ITSN1: variants seen among roughly 807,000 people sequenced by gnomAD.
ITSN1 encodes intersectin 1, also known as intersectin-1.
In ITSN1, 58 loss-of-function variants were observed where a neutral mutation model predicts 239.8. The ratio of observed to expected loss-of-function variants is 0.24; its 90% CI spans 0.20 to 0.30. ITSN1 has a LOEUF of 0.30. Among genes scored for constraint, ITSN1 ranks in the 10% least tolerant of loss-of-function variants. The pLI, the probability that ITSN1 is intolerant of heterozygous loss-of-function variation, is 1.00. For synonymous variants in ITSN1, 780 were observed against 770.8 expected, an observed-to-expected ratio of 1.01 and a Z score of -0.20; for missense variants, 1,558 against 2,103.3, an observed-to-expected ratio of 0.74 and a Z score of 5.07.
intron 1 of ITSN1, among the ~76,000 whole-genome samples, chr21:33,662,482 G>A (rs1224066473): frequency 6.6e-6 from 1 of 152,062 alleles, no homozygotes; most frequent in Non-Finnish European, 1.5e-5. Context: ...ATAGGTGATG[G>A]GGTATTGCCT....
At position 33,882,488 on chromosome 21, in the gene ITSN1, G is replaced by T. The variant is rs762387078; in HGVS notation, c.4554+33G>T. The T allele has an allele frequency of 6.3e-7, 1 of 1,585,302 alleles. No individual in the cohort carries two copies. The highest frequency in any genetic ancestry group is 8.6e-7 in the Non-Finnish European group (1 of 1,156,482). On this transcript the variant is annotated intron_variant, in intron 35 of 39. Transcript: ENST00000381318. The surrounding 1 kb of genome is among the most constrained non-coding windows in gnomAD (Gnocchi z 4.5). Reference sequence around the variant, plus strand: ...GGATTCTAGATTTTGCATTATCAGGGTTGACGTGTTTGGGGAGGAAGAAGT... The same window carrying T: ...GGATTCTAGATTTTGCATTATCAGGTTTGACGTGTTTGGGGAGGAAGAAGT...
At chr21:33,725,049 C>T (rs184583570) in intron 4 of ITSN1, among the ~76,000 whole-genome samples, 37 of 148,988 alleles carry the variant, frequency 2.5e-4, no homozygotes, top group Admixed American at 5.4e-4. Flanking sequence ...GTGGGAGCAT[C>T]GCTTGCGCCC....
chr21:33,792,415 A>G (rs1306410389), intron 16 of ITSN1, among the ~76,000 whole-genome samples: 2 of 152,140 alleles, frequency 1.3e-5, no homozygotes, highest in African/African-American at 4.8e-5. Context: ...CGTGTTAGCC[A>G]TGGTGGCGTA....
intron 29 of ITSN1, among the ~76,000 whole-genome samples, chr21:33,844,127 G>A (rs947721546): frequency 3.3e-5 from 5 of 152,194 alleles, no homozygotes; most frequent in East Asian, 1.9e-4. Context: ...CTACCAATCC[G>A]TGCACGAACC....
intron 29 of ITSN1, among the ~76,000 whole-genome samples, chr21:33,850,983 A>G (rs2148460510): frequency 6.6e-6 from 1 of 152,286 alleles, no homozygotes; most frequent in Non-Finnish European, 1.5e-5. Context: ...GGGGCCATTG[A>G]GCCAGAGGAT....
intron 24 of ITSN1, among the ~76,000 whole-genome samples, chr21:33,821,524 G>A (rs1228374173): frequency 6.6e-6 from 1 of 152,208 alleles, no homozygotes; most frequent in Non-Finnish European, 1.5e-5. Flanking sequence ...GGGATGGCCA[G>A]TGCCCTCTGT....
At chr21:33,835,385 A>C (rs915832891) in intron 28 of ITSN1, among the ~76,000 whole-genome samples, 2 of 152,118 alleles carry the variant, frequency 1.3e-5, no homozygotes, top group African/African-American at 2.4e-5. Context: ...TAGTTGCTGA[A>C]GTGATTGAAT....
chr21:33,868,694 C>T (rs972625742), intron 33 of ITSN1, among the ~76,000 whole-genome samples: 2 of 152,256 alleles, frequency 1.3e-5, no homozygotes, highest in Non-Finnish European at 2.9e-5. Context: ...CTGCTCGCGC[C>T]TCTCCCTCCA....
At chr21:33,709,934 T>C (rs1025268240) in intron 1 of ITSN1, among the ~76,000 whole-genome samples, 1 of 152,152 alleles carries the variant, frequency 6.6e-6, no homozygotes, top group African/African-American at 2.4e-5. Context: ...TAAAAGCAGA[T>C]ATCCTTGTCT....
chr21:33,767,778 A>G lies in ITSN1; in HGVS notation c.992A>G (p.Glu331Gly), dbSNP rs2068831463. ...ACATCTGTAGATCAGAGGCTACCAG[A>G]GGAACCAGTTTTAGAAGATGAACAA... is the stretch of plus-strand genomic sequence containing the variant. ...SSTSVDQRLP[E>G]EPVLEDEQQQ... Residue 331 changes from glutamate to glycine, a missense_variant, in exon 11 of 40, where the codon GAG (glutamate) becomes GGG (glycine). Glu to Gly is a moderately conservative substitution (Grantham distance 98). Transcript: ENST00000381318. 1.9e-6 allele frequency: 3 copies of G among 1,612,934 alleles called. No individual in the cohort carries two copies. The highest frequency in any genetic ancestry group is 4.5e-5 in the East Asian group (2 of 44,850).
At chr21:33,762,885 A>T (rs1216916958) in intron 9 of ITSN1, among the ~76,000 whole-genome samples, 2 of 152,040 alleles carry the variant, frequency 1.3e-5, no homozygotes, top group Non-Finnish European at 2.9e-5. Context: ...GCTGGTCTCG[A>T]GCTCCTGACC....
At chr21:33,724,641 T>C (rs761427045) in intron 4 of ITSN1, among the ~76,000 whole-genome samples, 7 of 152,168 alleles carry the variant, frequency 4.6e-5, no homozygotes, top group Non-Finnish European at 8.8e-5. Context: ...ATCAGATATC[T>C]CCTGTGGGCC....
At chr21:33,670,325 A>G (rs185214764) in intron 1 of ITSN1, among the ~76,000 whole-genome samples, 8 of 152,322 alleles carry the variant, frequency 5.3e-5, no homozygotes, top group Non-Finnish European at 1.0e-4. Context: ...ATGACACTCT[A>G]GCCTGGATTA....
chr21:33,823,953 C>T (rs1013336986), intron 25 of ITSN1, among the ~76,000 whole-genome samples: 5 of 152,146 alleles, frequency 3.3e-5, no homozygotes, highest in African/African-American at 1.2e-4. Flanking sequence ...CTGACTTACG[C>T]TTTGGAGTAA....
At chr21:33,692,997 A>G (rs1032650440) in intron 1 of ITSN1, among the ~76,000 whole-genome samples, 3 of 152,134 alleles carry the variant, frequency 2.0e-5, no homozygotes, top group Non-Finnish European at 4.4e-5. Flanking sequence ...GGGTTTCGCC[A>G]TATTGGCCAG....
intron 4 of ITSN1, among the ~76,000 whole-genome samples, chr21:33,723,650 C>G (rs2065640522): frequency 6.6e-6 from 1 of 152,168 alleles, no homozygotes; most frequent in Non-Finnish European, 1.5e-5. Context: ...AGTCGTACAC[C>G]TGAGTTTGAT....
In ITSN1 at chr21:33,823,548, G is replaced by C; in HGVS notation, c.3078G>C (p.Gly1026=). 6.2e-7 allele frequency: 1 copy of C among 1,614,110 alleles called. No individual in the cohort carries two copies. The highest frequency in any genetic ancestry group is 8.5e-7 in the Non-Finnish European group (1 of 1,179,978). Residue 1026 remains glycine (G), a synonymous_variant, in exon 25 of 40, where the codon GGG becomes GGC. Transcript: ENST00000381318. ...AAGGAGATTTAACCTTTCAGCAAGGGGATGTGATTTTGGTTACCAAGAAAG... is the reference window on the plus strand; with the variant it reads ...AAGGAGATTTAACCTTTCAGCAAGGCGATGTGATTTTGGTTACCAAGAAAG... The part of the protein sequence containing the change: ...SEQGDLTFQQ[G]DVILVTKKDG...
At chr21:33,677,814 T>G (rs1262410603) in intron 1 of ITSN1, among the ~76,000 whole-genome samples, 1 of 152,226 alleles carries the variant, frequency 6.6e-6, no homozygotes, top group South Asian at 2.1e-4. Context: ...TTGTAGACTT[T>G]CTGTCCAGAA....
rs184326863 is a variant in ITSN1 at position 33,881,398 on chromosome 21, C to A, written c.4342-845C>A. On this transcript the variant is annotated intron_variant, in intron 34 of 39. Transcript: ENST00000381318. ...CTCCAGCCTGGGCGACAGAGTGAGA[C>A]TCTGTCTCAAAAAAAAAAAAAAAAA... 3.7e-3 allele frequency among the ~76,000 whole-genome samples: 498 copies of A among 134,522 alleles called. 9 individuals are homozygous for A. The East Asian group carries it at 0.041, about 11-fold the overall frequency. 88.3% of individuals were successfully genotyped at this position (134,522 alleles called of 152,430 possible). A position where few individuals can be genotyped will look rare whatever the true frequency, so the allele number is the denominator to read the frequency against.
Sources: allele counts gnomAD v4.1 joint callset (sites outside exome capture counted in the v4.1 genomes callset), GRCh38; gene constraint gnomAD v4.1.1; non-coding constraint Gnocchi (gnomAD v3.1); transcripts MANE v1.5; gene names NCBI Gene and HGNC (gene_info 2026-07-23, HGNC 2026-07-21).